GDAP1: variants seen among roughly 807,000 people sequenced by gnomAD.
GDAP1 encodes the protein ganglioside-induced differentiation-associated protein 1.
Under a neutral mutation model 40.1 loss-of-function variants are expected in GDAP1, and 34 were observed. The observed-to-expected ratio is 0.85, with a 90% CI of 0.64 to 1.13. The LOEUF is 1.13. GDAP1 is among the 50% of genes most tolerant of loss of function. The pLI, the probability that GDAP1 is intolerant of heterozygous loss-of-function variation, is 0.00. For synonymous variants in GDAP1, 170 were observed against 157.4 expected, an observed-to-expected ratio of 1.08 and a Z score of -0.60; for missense variants, 374 against 433.7, an observed-to-expected ratio of 0.86 and a Z score of 1.22.
rs1246419628 is a variant in GDAP1 at position 74,422,342 on chromosome 8, TTTCTTTCTTCCCTTCCTTCCTTCC to T, written c.166-66332_166-66309del. Reference sequence around the variant, plus strand: ...CTTTCTTTCTTTCTTTCTTTCTTTCTTTCTTTCTTCCCTTCCTTCCTTCCTTCCTTCCTTCCTTCCTTCCTTCCT... The same window carrying T: ...CTTTCTTTCTTTCTTTCTTTCTTTCTTTCCTTCCTTCCTTCCTTCCTTCCT... On this transcript the variant is annotated intron_variant, in intron 2 of 2. Transcript: ENST00000523640. Among the ~76,000 whole-genome samples, 385 of 55,328 alleles carry T rather than the reference TTTCTTTCTTCCCTTCCTTCCTTCC, an allele frequency of 7.0e-3. 5 individuals carry two copies. The highest frequency in any genetic ancestry group is 0.012 in the African/African-American group (132 of 11,168). 36.3% of individuals were successfully genotyped at this position (55,328 alleles called of 152,430 possible). A position where few individuals can be genotyped will look rare whatever the true frequency, so the allele number is the denominator to read the frequency against.
chr8:74,377,824 C>T (rs1809882586), intron 2 of GDAP1, among the ~76,000 whole-genome samples: 2 of 152,216 alleles, frequency 1.3e-5, no homozygotes, highest in African/African-American at 4.8e-5. Flanking sequence ...CAGGCTTTCA[C>T]TTCACTGTTT....
intron 2 of GDAP1, among the ~76,000 whole-genome samples, chr8:74,434,636 G>C: frequency 6.6e-6 from 1 of 152,100 alleles, no homozygotes; most frequent in African/African-American, 2.4e-5. Flanking sequence ...AGCCAACTCT[G>C]CTCATGGATA....
chr8:74,390,595 C>G (rs1017204973), intron 2 of GDAP1, among the ~76,000 whole-genome samples: 1 of 152,186 alleles, frequency 6.6e-6, no homozygotes, highest in Admixed American at 6.5e-5. Flanking sequence ...AGCCAGAGCT[C>G]TCTCCAGTAT....
In GDAP1 at chr8:74,351,481, A is replaced by G; in HGVS notation, c.310+15A>G. ...TTTCCTGGATGGTAATGTTAAGGCT[A>G]CTTGCGATTTCTTGGATTTACTTTC... On this transcript the variant is annotated intron_variant, in intron 2 of 5. Coordinates refer to ENST00000220822, the MANE Select transcript of GDAP1 (RefSeq NM_018972.4). The G allele has an allele frequency of 1.3e-6, 2 of 1,583,696 alleles. No homozygotes were observed. Among genetic ancestry groups the G allele is most frequent in the African/African-American group, 1.3e-5 (1 of 74,454 alleles).
intron 2 of GDAP1, among the ~76,000 whole-genome samples, chr8:74,403,415 A>G (rs1457822870): frequency 6.7e-6 from 1 of 150,272 alleles, no homozygotes; most frequent in East Asian, 1.9e-4. Flanking sequence ...AGAAAAGCAC[A>G]GGGCATGTTT....
rs73686981 is a variant in GDAP1 at position 74,434,223 on chromosome 8, T to C, written c.166-54455T>C. 6.5e-3 allele frequency among the ~76,000 whole-genome samples: 990 copies of C among 152,320 alleles called. 13 individuals carry two copies. The highest frequency in any genetic ancestry group is 0.022 in the African/African-American group (928 of 41,568). On this transcript the variant is annotated intron_variant, in intron 2 of 2. Transcript: ENST00000523640. Reference sequence around the variant, plus strand: ...TCTTCTGGGGACTGTTCCCTCAGACTGTGCAGTTCATGTAAGTTCTTGCAT... The same window carrying C: ...TCTTCTGGGGACTGTTCCCTCAGACCGTGCAGTTCATGTAAGTTCTTGCAT...
intron 2 of GDAP1, among the ~76,000 whole-genome samples, chr8:74,386,716 G>A (rs1466312398): frequency 1.3e-5 from 2 of 152,156 alleles, no homozygotes; most frequent in Non-Finnish European, 2.9e-5. Context: ...CTCTAATTCT[G>A]TGAAGAAAGT....
In GDAP1 at chr8:74,434,372, G is replaced by T. The variant is rs1259784932; in HGVS notation, c.166-54306G>T. On this transcript the variant is annotated intron_variant, in intron 2 of 2. Transcript: ENST00000523640. ...TCCTGCATTTGTCAATACAAATGCT[G>T]ATTGGAGTAGGCCACTGAACTGTTC... Among the ~76,000 whole-genome samples, 8 of 152,200 alleles carry T rather than the reference G, an allele frequency of 5.3e-5. No individual in the cohort carries two copies. In the East Asian group the frequency reaches 1.3e-3, roughly 26 times the overall value.
At chr8:74,484,877 A>G (rs183493216) in intron 2 of GDAP1, among the ~76,000 whole-genome samples, 124 of 152,204 alleles carry the variant, frequency 8.1e-4, no homozygotes, top group Non-Finnish European at 1.4e-3. Context: ...TCTCTGGTCT[A>G]TGTTCTCTCA....
intron 2 of GDAP1, among the ~76,000 whole-genome samples, chr8:74,352,090 C>A (rs1378224779): frequency 6.6e-6 from 1 of 152,174 alleles, no homozygotes; most frequent in African/African-American, 2.4e-5. Context: ...ACAAGTTATT[C>A]CCATTATGTA....
intron 2 of GDAP1, among the ~76,000 whole-genome samples, chr8:74,385,137 C>T (rs1810007103): frequency 6.6e-6 from 1 of 151,924 alleles, no homozygotes; most frequent in African/African-American, 2.4e-5. Flanking sequence ...AAACCCAAGT[C>T]GCTTATTTTA....
chr8:74,351,189 C>T (rs1406198304), intron 1 of GDAP1, 85 bp from the exon 2 acceptor site: 12 of 1,081,640 alleles, frequency 1.1e-5, no homozygotes, highest in African/African-American at 3.1e-5. Context: ...ACAGGGAAGC[C>T]CAGAAAGGCT....
At chr8:74,411,261 T>C (rs1443740670) in intron 2 of GDAP1, among the ~76,000 whole-genome samples, 1 of 150,006 alleles carries the variant, frequency 6.7e-6, no homozygotes, top group Non-Finnish European at 1.5e-5. Context: ...AACAGACTAA[T>C]ACAGCATACT....
chr8:74,487,022 C>T (rs1437452456), intron 2 of GDAP1, among the ~76,000 whole-genome samples: 1 of 152,146 alleles, frequency 6.6e-6, no homozygotes, highest in Middle Eastern at 3.2e-3. Context: ...TCCAAGCCTC[C>T]ATTTCCATCT....
chr8:74,403,156 T>C (rs1430072181), intron 2 of GDAP1, among the ~76,000 whole-genome samples: 1 of 150,132 alleles, frequency 6.7e-6, no homozygotes. Flanking sequence ...TGGGTGTATT[T>C]GGCCTATTAA....
chr8:74,474,660 A>T (rs1004386843), intron 2 of GDAP1, among the ~76,000 whole-genome samples: 3 of 152,086 alleles, frequency 2.0e-5, no homozygotes, highest in Admixed American at 1.3e-4. Flanking sequence ...ATCATGGTGG[A>T]TTAGCTTTTT....
chr8:74,448,707 T>C (rs1586838466), intron 2 of GDAP1, among the ~76,000 whole-genome samples: 1 of 152,102 alleles, frequency 6.6e-6, no homozygotes, highest in East Asian at 1.9e-4. Context: ...CCTTTTCATG[T>C]GCTTATTGGC....
intron 2 of GDAP1, among the ~76,000 whole-genome samples, chr8:74,355,582 A>G (rs1177645719): frequency 6.6e-6 from 1 of 152,222 alleles, no homozygotes; most frequent in African/African-American, 2.4e-5. Context: ...TAAACTGAGA[A>G]AGAATGGATG....
intron 2 of GDAP1, among the ~76,000 whole-genome samples, chr8:74,478,472 G>A (rs1225307176): frequency 2.6e-5 from 4 of 152,062 alleles, no homozygotes; most frequent in Non-Finnish European, 5.9e-5. Flanking sequence ...CAGGAGCTAT[G>A]ATGTGGGCCC....
Sources: allele counts gnomAD v4.1 joint callset (sites outside exome capture counted in the v4.1 genomes callset), GRCh38; gene constraint gnomAD v4.1.1; transcripts MANE v1.5; gene names NCBI Gene and HGNC (gene_info 2026-07-23, HGNC 2026-07-21).